CYFIP2: variants seen among roughly 807,000 people sequenced by gnomAD.
The protein encoded by CYFIP2 is cytoplasmic FMR1-interacting protein 2.
In CYFIP2, 29 loss-of-function variants were observed where a neutral mutation model predicts 158.7. The observed-to-expected ratio is 0.18, with a 90% confidence interval of 0.14 to 0.25. The LOEUF (loss-of-function observed/expected upper bound fraction) is 0.25. CYFIP2 is among the 10% of genes least tolerant of loss of function. The probability of loss-of-function intolerance (pLI) is 1.00; values close to 1 mark genes in which losing one functional copy is unlikely to be tolerated. For synonymous variants in CYFIP2, 585 were observed against 617.6 expected (o/e 0.95, Z 0.78); for missense variants, 852 against 1,639.5 (o/e 0.52, Z 8.29).
At chr5:157,372,031 C>T (rs1765040123) in intron 26 of CYFIP2, among the ~76,000 whole-genome samples, 2 of 152,282 alleles carry the variant, frequency 1.3e-5, no homozygotes, top group African/African-American at 4.8e-5. Context: ...TGCAGAAGCA[C>T]AAGCTCCTGG....
At chr5:157,285,527 C>T in intron 2 of CYFIP2, 49 bp downstream of exon 2, 1 of 1,503,026 alleles carries the variant, frequency 6.7e-7, no homozygotes, top group South Asian at 1.2e-5. Context: ...TTCTGGGGAT[C>T]CCCTAAGAGA....
intron 6 of CYFIP2, among the ~76,000 whole-genome samples, chr5:157,302,520 A>C (rs745376459): frequency 3.3e-5 from 5 of 152,196 alleles, no homozygotes; most frequent in Admixed American, 6.5e-5. Flanking sequence ...ATGGGATGCT[A>C]GTTCCCCTTA....
chr5:157,311,770 A>G lies in CYFIP2; in HGVS notation c.1099A>G (p.Ser367Gly), dbSNP rs1279004616. 1 of 1,595,558 alleles carries G rather than the reference A, an allele frequency of 6.3e-7. No homozygotes were observed. Among genetic ancestry groups the G allele is most frequent in the Non-Finnish European group, 8.5e-7 (1 of 1,171,330 alleles). ...IRFISELARY[S>G]NSEVVTGSGL... ...CTTCATCTCCGAGCTCGCTCGCTACAGCAACAGTGAGGTGAGCATGCAGGC... is the reference window on the plus strand; with the variant it reads ...CTTCATCTCCGAGCTCGCTCGCTACGGCAACAGTGAGGTGAGCATGCAGGC... The change falls in exon 11 of 31, where the codon AGC (serine) becomes GGC (glycine). Residue 367 changes from serine (S) to glycine (G), a missense_variant. Ser to Gly is a moderately conservative substitution (Grantham distance 56). Coordinates refer to ENST00000620254, the MANE Select transcript of CYFIP2 (RefSeq NM_001037333.3). This position sits in a 1 kb window ranked among gnomAD's most constrained non-coding sequence, Gnocchi z 4.7.
chr5:157,393,746 G>A lies in CYFIP2; in HGVS notation c.*746G>A, dbSNP rs1470045971. The A allele has an allele frequency of 6.6e-6, 1 of 152,242 alleles. No homozygotes were observed. Among genetic ancestry groups the A allele is most frequent in the Non-Finnish European group, 1.5e-5 (1 of 68,076 alleles). The allele number at this position is 152,242 out of a possible 1,614,324, so 9.4% of individuals were successfully genotyped here. ...AGGATGCTTTCAGGCCATCTCAGCT[G>A]CTTGATGGTGAGATGGTTCCCTTAT... is the stretch of plus-strand genomic sequence containing the variant. On this transcript the variant is annotated 3_prime_UTR_variant, in exon 31 of 31. Transcript: ENST00000620254.
chr5:157,383,324 C>T lies in CYFIP2; in HGVS notation c.3172C>T (p.Leu1058=), dbSNP rs779041559. Residue 1058 remains leucine (L), a synonymous_variant, in exon 28 of 31, where the codon CTG becomes TTG. Coordinates refer to ENST00000620254, the MANE Select transcript of CYFIP2 (RefSeq NM_001037333.3). ...GGAAGCCAAGTATGCCCCGCTCCAC[C>T]TGGTCCCTCTGATCGAGCGGCTGGG... is the stretch of plus-strand genomic sequence containing the variant. ...RLEAKYAPLH[L]VPLIERLGTP... is the part of the protein sequence containing the mutation. 1 of 1,613,916 alleles carries T rather than the reference C, an allele frequency of 6.2e-7. No homozygotes were observed. Among genetic ancestry groups the T allele is most frequent in the South Asian group, 1.1e-5 (1 of 91,074 alleles).
chr5:157,357,828 C>CAA (rs200613860), intron 23 of CYFIP2, among the ~76,000 whole-genome samples: 3 of 139,864 alleles, frequency 2.1e-5, no homozygotes, highest in Admixed American at 7.2e-5. Flanking sequence ...GAATCTGTCT[C>CAA]AAAAAAAAAA....
At position 157,342,875 on chromosome 5, in the gene CYFIP2, T is replaced by A. The variant is rs752896523; in HGVS notation, c.2673+1718T>A. ...TCCTCCCCACTCTCATTCCCCACAA[T>A]GAGGCAGTATAGCGGGTGGGTCACC... On this transcript the variant is annotated intron_variant, in intron 23 of 30. Transcript: ENST00000620254. 1.2e-5 allele frequency: 19 copies of A among 1,612,316 alleles called. 1 individual carries two copies. In the South Asian group the frequency reaches 2.1e-4, roughly 18 times the overall value.
Position 157,355,537 on chromosome 5 carries a change from G to A in CYFIP2, c.2674-3468G>A, listed in dbSNP as rs554314757. 2.0e-5 allele frequency among the ~76,000 whole-genome samples: 3 copies of A among 152,268 alleles called. No homozygotes were observed. In the East Asian group the frequency reaches 5.8e-4, roughly 29 times the overall value. ...GAGGGTTTAGGTAATTTGCCCAAGA[G>A]CATCTAACTAGTGCATTTACAGACC... On this transcript the variant is annotated intron_variant, in intron 23 of 30. Coordinates refer to ENST00000620254, the MANE Select transcript of CYFIP2 (RefSeq NM_001037333.3).
At chr5:157,347,496 A>G (rs558742010) in intron 23 of CYFIP2, among the ~76,000 whole-genome samples, 1 of 152,234 alleles carries the variant, frequency 6.6e-6, no homozygotes, top group South Asian at 2.1e-4. Context: ...TGCATGCAGC[A>G]TGTCTCTTCC....
Position 157,314,547 on chromosome 5 carries a change from A to C in CYFIP2, c.1230+84A>C. The C allele has an allele frequency of 2.6e-6, 4 of 1,515,314 alleles. No individual in the cohort carries two copies. In the South Asian group the frequency reaches 5.2e-5, roughly 20 times the overall value. 93.9% of individuals were successfully genotyped at this position (1,515,314 alleles called of 1,614,324 possible). ...CATCTCCCCCTAGCACTCTCTTTTTAACAGATTTACGGAGTTACAATTCAC... is the reference window on the plus strand; with the variant it reads ...CATCTCCCCCTAGCACTCTCTTTTTCACAGATTTACGGAGTTACAATTCAC... On this transcript the variant is annotated intron_variant, in intron 12 of 30. Coordinates refer to ENST00000620254, the MANE Select transcript of CYFIP2 (RefSeq NM_001037333.3).
Position 157,311,604 on chromosome 5 carries a change from C to A in CYFIP2, c.993-60C>A. 6.8e-7 allele frequency: 1 copy of A among 1,469,378 alleles called. No individual in the cohort carries two copies. Among genetic ancestry groups the A allele is most frequent in the Non-Finnish European group, 9.3e-7 (1 of 1,078,066 alleles). 91.0% of individuals were successfully genotyped at this position (1,469,378 alleles called of 1,614,324 possible). ...GGCTGAGCACCAGGAGCAGCTAATG[C>A]CTGTTCCACCCAGGCGCCTGAGGCT... On this transcript the variant is annotated intron_variant, in intron 10 of 30. Transcript: ENST00000620254. The surrounding 1 kb of genome is among the most constrained non-coding windows in gnomAD (Gnocchi z 4.7).
intron 5 of CYFIP2, among the ~76,000 whole-genome samples, chr5:157,300,136 G>T (rs1758616233): frequency 6.6e-6 from 1 of 152,114 alleles, no homozygotes; most frequent in South Asian, 2.1e-4. Flanking sequence ...TGTCCTAGGT[G>T]CTGGGAATGC....
At chr5:157,358,174 C>T (rs1229370899) in intron 23 of CYFIP2, among the ~76,000 whole-genome samples, 1 of 152,164 alleles carries the variant, frequency 6.6e-6, no homozygotes, top group Non-Finnish European at 1.5e-5. Context: ...TTTTCATTCT[C>T]ACCAACCAAG....
Position 157,393,096 on chromosome 5 carries a change from T to G in CYFIP2, c.*96T>G. On this transcript the variant is annotated 3_prime_UTR_variant, in exon 31 of 31. Transcript: ENST00000620254. The stretch of plus-strand genomic sequence containing the variant: ...CCATAGGATCCAACTGGACAACGTG[T>G]GGGATGGACCTGGAAACAAGCACCT... 6.9e-7 allele frequency: 1 copy of G among 1,450,810 alleles called. No homozygotes were observed. Among genetic ancestry groups the G allele is most frequent in the Non-Finnish European group, 9.3e-7 (1 of 1,075,724 alleles). 89.9% of individuals were successfully genotyped at this position (1,450,810 alleles called of 1,614,324 possible). A position where few individuals can be genotyped will look rare whatever the true frequency, so the allele number is the denominator to read the frequency against.
At chr5:157,272,801 T>C (rs1459854325) in intron 1 of CYFIP2, among the ~76,000 whole-genome samples, 1 of 152,176 alleles carries the variant, frequency 6.6e-6, no homozygotes, top group Non-Finnish European at 1.5e-5. Flanking sequence ...TTTGATTATA[T>C]TTCCTTTCTT....
intron 20 of CYFIP2, among the ~76,000 whole-genome samples, chr5:157,331,549 G>A (rs1252463907): frequency 2.0e-5 from 3 of 151,848 alleles, no homozygotes; most frequent in Non-Finnish European, 4.4e-5. Context: ...GAGGTGAAAA[G>A]GAAAGAATTC....
chr5:157,317,412 AT>A (rs1255236945), intron 13 of CYFIP2, among the ~76,000 whole-genome samples: 1 of 152,210 alleles, frequency 6.6e-6, no homozygotes, highest in Non-Finnish European at 1.5e-5. Context: ...TTGTTAAGCG[AT>A]TCCTTGTGGT....
At chr5:157,270,630 T>C (rs893872831) in intron 1 of CYFIP2, among the ~76,000 whole-genome samples, 28 of 152,204 alleles carry the variant, frequency 1.8e-4, no homozygotes, top group Admixed American at 1.8e-3. Context: ...GCCCCCTATC[T>C]CCAAGTCTGT....
intron 26 of CYFIP2, among the ~76,000 whole-genome samples, chr5:157,370,567 GCTGGTTTCAAATGGAGA>G (rs1430847509): frequency 6.6e-6 from 1 of 152,198 alleles, no homozygotes; most frequent in Non-Finnish European, 1.5e-5. Flanking sequence ...GCTAACATGT[GCTGGTTTCAAATGGAGA>G]CTTTCTCATT....
Sources: allele counts gnomAD v4.1 joint callset (sites outside exome capture counted in the v4.1 genomes callset), GRCh38; gene constraint gnomAD v4.1.1; non-coding constraint Gnocchi (gnomAD v3.1); transcripts MANE v1.5; gene names NCBI Gene and HGNC (gene_info 2026-07-23, HGNC 2026-07-21).